The following PLEKHG1 variants were observed in gnomAD, a reference collection of about 807,000 sequenced individuals.
PLEKHG1 encodes the protein pleckstrin homology and RhoGEF domain containing G1, also known as pleckstrin homology domain-containing family G member 1.
Under a neutral mutation model 100.8 loss-of-function variants are expected in PLEKHG1, and 44 were observed. The ratio of observed to expected loss-of-function variants is 0.44; its 90% CI spans 0.34 to 0.56. PLEKHG1 has a LOEUF of 0.56. Ranked by LOEUF, PLEKHG1 falls within the 20% of genes least tolerant of loss-of-function variation. The pLI, the probability that PLEKHG1 is intolerant of heterozygous loss-of-function variation, is 0.01. For missense variants in PLEKHG1, 1,545 were observed against 1,720.9 expected, an observed-to-expected ratio of 0.90 and a Z score of 1.81; for synonymous variants, 640 against 662.5, an observed-to-expected ratio of 0.97 and a Z score of 0.52.
chr6:150,606,761 A>C (rs1217446406), intron 1 of PLEKHG1, among the ~76,000 whole-genome samples: 20 of 152,022 alleles, frequency 1.3e-4, no homozygotes. Context: ...GTATGCATTC[A>C]TGCTGTTTTG....
Position 150,831,556 on chromosome 6 carries a change from T to C in PLEKHG1, c.2445T>C (p.Ser815=). ...GTTATCTGAGTTTGCTGTATGACTC[T>C]CCCAGTGGTAACTTGTCTATGCCTC... Residue 815 remains serine (S), a synonymous_variant, in exon 15 of 16, where the codon TCT becomes TCC. Transcript: ENST00000358517. This position sits in a 1 kb window ranked among gnomAD's most constrained non-coding sequence, Gnocchi z 4.1. 1 of 1,614,184 alleles carries C rather than the reference T, an allele frequency of 6.2e-7. No homozygotes were observed. The highest frequency in any genetic ancestry group is 1.1e-5 in the South Asian group (1 of 91,080).
intron 3 of PLEKHG1, among the ~76,000 whole-genome samples, chr6:150,685,565 T>C (rs1243878943): frequency 6.6e-6 from 1 of 152,162 alleles, no homozygotes; most frequent in African/African-American, 2.4e-5. Flanking sequence ...ATAGAGCCAA[T>C]AGCTTCCTAC....
chr6:150,812,790 G>A (rs73009566), intron 10 of PLEKHG1, among the ~76,000 whole-genome samples: 14,431 of 152,060 alleles, frequency 0.095, 916 homozygotes, highest in Middle Eastern at 0.15. Context: ...CTGGGGAGGT[G>A]GGAAGGAAGA....
intron 2 of PLEKHG1, among the ~76,000 whole-genome samples, chr6:150,741,040 T>C (rs1782830326): frequency 6.6e-6 from 1 of 152,210 alleles, no homozygotes; most frequent in South Asian, 2.1e-4. Context: ...ACCTAGAAGG[T>C]GGCAACAGTG....
intron 2 of PLEKHG1, among the ~76,000 whole-genome samples, chr6:150,753,017 G>T (rs1316842970): frequency 6.6e-6 from 1 of 152,170 alleles, no homozygotes; most frequent in East Asian, 1.9e-4. Flanking sequence ...GGAGGCTGAG[G>T]TGGGAGGATG....
At chr6:150,621,632 C>T (rs1028158801) in intron 1 of PLEKHG1, among the ~76,000 whole-genome samples, 2 of 152,190 alleles carry the variant, frequency 1.3e-5, no homozygotes, top group Non-Finnish European at 2.9e-5. Flanking sequence ...GCCTTAGCCT[C>T]CCAAAGTGCT....
intron 3 of PLEKHG1, among the ~76,000 whole-genome samples, chr6:150,785,605 G>A (rs1023781206): frequency 1.3e-5 from 2 of 152,108 alleles, no homozygotes; most frequent in African/African-American, 4.8e-5. Context: ...CTCCTTTAAA[G>A]CACTATCTCT....
intron 2 of PLEKHG1, among the ~76,000 whole-genome samples, chr6:150,753,475 T>C (rs1783644697): frequency 6.6e-6 from 1 of 152,150 alleles, no homozygotes; most frequent in African/African-American, 2.4e-5. Flanking sequence ...AGTGGGTGCC[T>C]CGTAAGGAGG....
At chr6:150,774,751 G>T (rs1225079650) in intron 3 of PLEKHG1, among the ~76,000 whole-genome samples, 4 of 151,672 alleles carry the variant, frequency 2.6e-5, no homozygotes, top group Non-Finnish European at 5.9e-5. Context: ...TGTTGGCCAG[G>T]CTGGTCACGA....
intron 2 of PLEKHG1, among the ~76,000 whole-genome samples, chr6:150,642,194 G>A (rs998494963): frequency 6.6e-6 from 1 of 152,170 alleles, no homozygotes; most frequent in Non-Finnish European, 1.5e-5. Context: ...ACAGCCAGCT[G>A]AATTCTGTTC....
intron 1 of PLEKHG1, among the ~76,000 whole-genome samples, chr6:150,607,221 A>C (rs1198180665): frequency 3.3e-5 from 5 of 152,106 alleles, no homozygotes; most frequent in Admixed American, 2.0e-4. Context: ...GCCGTCTCTG[A>C]CCTGTGACTA....
chr6:150,621,441 C>G (rs1400226356), intron 1 of PLEKHG1, among the ~76,000 whole-genome samples: 1 of 150,518 alleles, frequency 6.6e-6, no homozygotes, highest in African/African-American at 2.5e-5. Flanking sequence ...GTGGCACAAT[C>G]TCGGCTCACT....
intron 1 of PLEKHG1, among the ~76,000 whole-genome samples, chr6:150,617,701 C>T (rs1049786388): frequency 6.6e-6 from 1 of 152,186 alleles, no homozygotes; most frequent in African/African-American, 2.4e-5. Flanking sequence ...CTGCCAACTG[C>T]TCTAAGTCAG....
At chr6:150,610,394 A>G (rs371599411) in intron 1 of PLEKHG1, among the ~76,000 whole-genome samples, 20 of 152,188 alleles carry the variant, frequency 1.3e-4, no homozygotes, top group African/African-American at 4.3e-4. Flanking sequence ...GAGCCACTGC[A>G]TCTGACCTAT....
rs570194124 is a variant in PLEKHG1, at chr6:150,683,659, C to G, written c.-99+32873C>G. On this transcript the variant is annotated intron_variant, in intron 3 of 3. Transcript: ENST00000367326. This position sits in a 1 kb window ranked among gnomAD's most constrained non-coding sequence, Gnocchi z 4.0. The stretch of plus-strand genomic sequence containing the variant: ...GCATCCACCTGCTATAACTGGCAAA[C>G]TAAGGATGACAGAGTGTTCAATGAT... 1 of 551,328 alleles carries G rather than the reference C, an allele frequency of 1.8e-6. No homozygotes were observed. Among genetic ancestry groups the G allele is most frequent in the East Asian group, 7.4e-5 (1 of 13,426 alleles). The allele number at this position is 551,328 out of a possible 1,614,324, so 34.2% of individuals were successfully genotyped here. A position where few individuals can be genotyped will look rare whatever the true frequency, so the allele number is the denominator to read the frequency against.
chr6:150,713,593 T>C (rs935700558), intron 3 of PLEKHG1, among the ~76,000 whole-genome samples: 7 of 152,084 alleles, frequency 4.6e-5, no homozygotes, highest in Admixed American at 1.3e-4. Flanking sequence ...ACCCCAAGGA[T>C]GGTAATTGCT....
At chr6:150,757,021 T>A (rs2128632326) in intron 2 of PLEKHG1, among the ~76,000 whole-genome samples, 1 of 152,312 alleles carries the variant, frequency 6.6e-6, no homozygotes, top group East Asian at 1.9e-4. Flanking sequence ...TTTGTTTATT[T>A]GTTTTAAGAT....
chr6:150,627,940 G>C (rs996244318), intron 1 of PLEKHG1, among the ~76,000 whole-genome samples: 4 of 152,082 alleles, frequency 2.6e-5, no homozygotes, highest in African/African-American at 9.7e-5. Flanking sequence ...TAATATGCAG[G>C]GCGTTTTATG....
intron 10 of PLEKHG1, among the ~76,000 whole-genome samples, chr6:150,814,443 C>A (rs1015112945): frequency 5.9e-5 from 9 of 152,258 alleles, no homozygotes; most frequent in Non-Finnish European, 1.2e-4. Context: ...TCGATCCTTT[C>A]TATCTAAAAA....
Sources: gnomAD v4.1 joint callset for allele counts (sites outside exome capture counted in the v4.1 genomes callset) on GRCh38, gnomAD v4.1.1 for gene constraint, Gnocchi (gnomAD v3.1) non-coding constraint, MANE v1.5 for transcripts, NCBI Gene and HGNC (gene_info 2026-07-23, HGNC 2026-07-21) for gene names.